Variants in ABHD2 observed in about 807,000 individuals in gnomAD.
ABHD2 encodes the protein monoacylglycerol lipase ABHD2.
ABHD2 carries 20 observed loss-of-function variants against 48.1 expected under a neutral mutation model. The ratio of observed to expected loss-of-function variants is 0.42; its 90% CI spans 0.29 to 0.60. ABHD2 has a LOEUF of 0.60. Among genes scored for constraint, ABHD2 ranks in the 20% least tolerant of loss-of-function variants. The probability of loss-of-function intolerance (pLI) is 0.24; values close to 1 mark genes in which losing one functional copy is unlikely to be tolerated. For synonymous variants in ABHD2, 209 were observed against 214.2 expected, an observed-to-expected ratio of 0.98 and a Z score of 0.21; for missense variants, 405 against 550.9, an observed-to-expected ratio of 0.74 and a Z score of 2.65.
chr15:89,141,188 C>T (rs896871361), intron 3 of ABHD2, among the ~76,000 whole-genome samples: 2 of 151,910 alleles, frequency 1.3e-5, no homozygotes, highest in Non-Finnish European at 2.9e-5. Flanking sequence ...TCCTATGTCA[C>T]CCAGGCTGGT....
At chr15:89,193,174 A>C in intron 9 of ABHD2, 61 bp from the exon 10 acceptor site, 1 of 1,525,416 alleles carries the variant, frequency 6.6e-7, no homozygotes, top group Admixed American at 1.7e-5. Flanking sequence ...TTGAGCCTTG[A>C]ATCGATGGGG....
At chr15:89,148,660 G>A (rs1415246675) in intron 3 of ABHD2, among the ~76,000 whole-genome samples, 1 of 152,204 alleles carries the variant, frequency 6.6e-6, no homozygotes, top group Non-Finnish European at 1.5e-5. Flanking sequence ...TAAGGGCCAG[G>A]CCTAAATTGG....
At position 89,100,157 on chromosome 15, in the gene ABHD2, C is replaced by T. The variant is rs2049679325; in HGVS notation, c.-107+11594C>T. Among the ~76,000 whole-genome samples, 1 of 152,164 alleles carries T rather than the reference C, an allele frequency of 6.6e-6. No individual in the cohort carries two copies. The highest frequency in any genetic ancestry group is 2.4e-5 in the African/African-American group (1 of 41,430). On this transcript the variant is annotated intron_variant, in intron 1 of 10. Coordinates refer to ENST00000352732, the MANE Select transcript of ABHD2 (RefSeq NM_152924.5). The surrounding 1 kb of genome is among the most constrained non-coding windows in gnomAD (Gnocchi z 4.4). ...TGATTGCTCACAGGCAAGTCAAGAC[C>T]AGACTAACCAGGCTTGAGGACCCAG...
At chr15:89,090,560 C>T (rs1567062644) in intron 1 of ABHD2, among the ~76,000 whole-genome samples, 3 of 149,452 alleles carry the variant, frequency 2.0e-5, no homozygotes, top group Non-Finnish European at 4.4e-5. Flanking sequence ...TTCCAAGTCA[C>T]GTTGCATTTT....
intron 4 of ABHD2, among the ~76,000 whole-genome samples, chr15:89,154,347 C>A (rs778220411): frequency 6.6e-6 from 1 of 152,198 alleles, no homozygotes; most frequent in African/African-American, 2.4e-5. Context: ...TTTTAAAAAT[C>A]TTAATTTGAA....
At position 89,114,811 on chromosome 15, in the gene ABHD2, C is replaced by A. The variant is rs964577153; in HGVS notation, c.-7+987C>A. ...AAGTTAAGTTTTAGGAAAACTGTCT[C>A]CTCACAGAAGTTCAGTGTAGCTGAG... On this transcript the variant is annotated intron_variant, in intron 2 of 10. Transcript: ENST00000352732. The surrounding 1 kb of genome is among the most constrained non-coding windows in gnomAD (Gnocchi z 4.2). Among the ~76,000 whole-genome samples the A allele has an allele frequency of 6.6e-6, 1 of 152,188 alleles. No homozygotes were observed. The highest frequency in any genetic ancestry group is 2.4e-5 in the African/African-American group (1 of 41,452).
intron 5 of ABHD2, among the ~76,000 whole-genome samples, chr15:89,157,321 G>A (rs1030527737): frequency 9.9e-5 from 15 of 152,140 alleles, no homozygotes; most frequent in Non-Finnish European, 2.2e-4. Context: ...CCTCCAGCAA[G>A]GTCATTCCAA....
Position 89,196,834 on chromosome 15 carries a change from A to T in ABHD2, c.*1411A>T, listed in dbSNP as rs931189849. On this transcript the variant is annotated 3_prime_UTR_variant, in exon 11 of 11. Transcript: ENST00000352732. Reference sequence around the variant, plus strand: ...GTGTGTCTTCTCAAGTGAAAACGCAACTCTAGGTTTCAAGTACTCCTTTTC... The same window carrying T: ...GTGTGTCTTCTCAAGTGAAAACGCATCTCTAGGTTTCAAGTACTCCTTTTC... The T allele has an allele frequency of 6.6e-6, 1 of 152,434 alleles. No individual in the cohort carries two copies. The highest frequency in any genetic ancestry group is 2.4e-5 in the African/African-American group (1 of 41,364). 9.4% of individuals were successfully genotyped at this position (152,434 alleles called of 1,614,324 possible). A position where few individuals can be genotyped will look rare whatever the true frequency, so the allele number is the denominator to read the frequency against.
intron 1 of ABHD2, among the ~76,000 whole-genome samples, chr15:89,108,824 A>G (rs942762727): frequency 1.3e-5 from 2 of 152,246 alleles, no homozygotes; most frequent in Non-Finnish European, 2.9e-5. Context: ...TCATCTATGA[A>G]GTAGGCTGGA....
chr15:89,174,434 ACC>A lies in ABHD2; in HGVS notation c.539-1376_539-1375del, dbSNP rs1338173453. ...AGGCCCAGGAATGGTCATTTCTAAC[ACC>A]CTCTCCAGGTGATTCTATGCACACT... On this transcript the variant is annotated intron_variant, in intron 5 of 10. Transcript: ENST00000352732. This position sits in a 1 kb window ranked among gnomAD's most constrained non-coding sequence, Gnocchi z 4.1. 3.3e-5 allele frequency among the ~76,000 whole-genome samples: 5 copies of A among 151,996 alleles called. No homozygotes were observed. The highest frequency in any genetic ancestry group is 2.1e-4 in the South Asian group (1 of 4,820).
Position 89,175,770 on chromosome 15 carries a change from T to A in ABHD2, c.539-42T>A. 1 of 1,610,726 alleles carries A rather than the reference T, an allele frequency of 6.2e-7. No homozygotes were observed. On this transcript the variant is annotated intron_variant, in intron 5 of 10. Coordinates refer to ENST00000352732, the MANE Select transcript of ABHD2 (RefSeq NM_152924.5). This position sits in a 1 kb window ranked among gnomAD's most constrained non-coding sequence, Gnocchi z 5.7. ...CAGCTTGCATTTTCTCCAGATAGGA[T>A]GCACCTGAAATGATTGAGCAATCTC...
chr15:89,162,395 A>C (rs2050776333), intron 5 of ABHD2, among the ~76,000 whole-genome samples: 1 of 152,098 alleles, frequency 6.6e-6, no homozygotes, highest in Non-Finnish European at 1.5e-5. Flanking sequence ...ACGCATTTTT[A>C]ATAGGTCCCC....
At chr15:89,156,199 C>T (rs1837880271) in intron 5 of ABHD2, among the ~76,000 whole-genome samples, 1 of 145,664 alleles carries the variant, frequency 6.9e-6, no homozygotes, top group Non-Finnish European at 1.5e-5. Flanking sequence ...TGGCTCACTG[C>T]AGGCTCCGCC....
chr15:89,148,923 T>TA lies in ABHD2; in HGVS notation c.195-2751dup, dbSNP rs550290632. ...TTTAGTCCATATTTCCTTCCTGACC[T>TA]AAACCATGTGACTGGGCACCTATTC... On this transcript the variant is annotated intron_variant, in intron 3 of 10. Coordinates refer to ENST00000352732, the MANE Select transcript of ABHD2 (RefSeq NM_152924.5). 4.6e-5 allele frequency among the ~76,000 whole-genome samples: 7 copies of TA among 152,242 alleles called. No homozygotes were observed. The South Asian group carries it at 1.4e-3, about 31-fold the overall frequency.
chr15:89,201,748 G>T lies in ABHD2; in HGVS notation c.*6325G>T. ...CCTTTGAATTTGAGGTCTATGGGCG[G>T]GTCGAGGACCAGGATCTGCTCGTGC... On this transcript the variant is annotated 3_prime_UTR_variant, in exon 11 of 11. Coordinates refer to ENST00000352732, the MANE Select transcript of ABHD2 (RefSeq NM_152924.5). 1 of 1,562,500 alleles carries T rather than the reference G, an allele frequency of 6.4e-7. No individual in the cohort carries two copies. Among genetic ancestry groups the T allele is most frequent in the African/African-American group, 1.4e-5 (1 of 73,868 alleles).
the ABHD2 span, among the ~76,000 whole-genome samples, chr15:89,068,283 C>T: frequency 0.17 from 25,118 of 151,930 alleles, 2,277 homozygotes; most frequent in Middle Eastern, 0.22. Flanking sequence ...AACAAACCAC[C>T]CCTAATGTAA....
At chr15:89,193,959 C>T (rs1412893955) in intron 10 of ABHD2, among the ~76,000 whole-genome samples, 2 of 149,380 alleles carry the variant, frequency 1.3e-5, no homozygotes, top group Non-Finnish European at 3.0e-5. Flanking sequence ...GGCATGGTGG[C>T]ACATACCTGT....
intron 3 of ABHD2, among the ~76,000 whole-genome samples, chr15:89,143,095 T>C (rs1043682935): frequency 2.0e-5 from 3 of 152,186 alleles, no homozygotes; most frequent in African/African-American, 7.2e-5. Context: ...ATTAATCGTT[T>C]TTTTGTCCGT....
chr15:89,135,143 C>CTT (rs3049683), intron 3 of ABHD2, among the ~76,000 whole-genome samples: 1 of 112,178 alleles, frequency 8.9e-6, no homozygotes, highest in Non-Finnish European at 1.9e-5. Flanking sequence ...ACAACTTTTT[C>CTT]TTTTTTTTTT....
Sources: gnomAD v4.1 joint callset for allele counts (sites outside exome capture counted in the v4.1 genomes callset) on GRCh38, gnomAD v4.1.1 for gene constraint, Gnocchi (gnomAD v3.1) non-coding constraint, MANE v1.5 for transcripts, NCBI Gene and HGNC (gene_info 2026-07-23, HGNC 2026-07-21) for gene names.